L3MBTL4: variants seen among roughly 807,000 people sequenced by gnomAD.
L3MBTL4 encodes lethal(3)malignant brain tumor-like protein 4.
Under a neutral mutation model 84.5 loss-of-function variants are expected in L3MBTL4, and 70 were observed. The ratio of observed to expected loss-of-function variants is 0.83; its 90% CI spans 0.68 to 1.01. The LOEUF is 1.01. L3MBTL4 is among the 50% of genes least tolerant of loss of function. L3MBTL4 has a pLI of 0.00. For missense variants in L3MBTL4, 715 were observed against 754.8 expected, an observed-to-expected ratio of 0.95 and a Z score of 0.62; for synonymous variants, 274 against 259.8, an observed-to-expected ratio of 1.05 and a Z score of -0.52.
chr18:6,136,663 A>G lies in L3MBTL4; in HGVS notation c.1199+1531T>C, dbSNP rs574734140. Reference sequence around the variant, plus strand: ...CTACATAGAGTGTACCAAGTAACCAATGGGAAACCTTTAGAGGGTATTTAA... The same window carrying G: ...CTACATAGAGTGTACCAAGTAACCAGTGGGAAACCTTTAGAGGGTATTTAA... On this transcript the variant is annotated intron_variant, in intron 14 of 18. Transcript: ENST00000317931. Among the ~76,000 whole-genome samples, 9 of 152,236 alleles carry G rather than the reference A, an allele frequency of 5.9e-5. No homozygotes were observed. In the South Asian group the frequency reaches 1.0e-3, roughly 18 times the overall value.
At chr18:6,040,254 G>A (rs1286893472) in intron 16 of L3MBTL4, among the ~76,000 whole-genome samples, 3 of 152,094 alleles carry the variant, frequency 2.0e-5, no homozygotes, top group African/African-American at 7.2e-5. Context: ...TAAACCAGTG[G>A]TCTTTCAACC....
chr18:6,280,283 A>G (rs1230468659), intron 4 of L3MBTL4, among the ~76,000 whole-genome samples: 1 of 152,242 alleles, frequency 6.6e-6, no homozygotes, highest in Admixed American at 6.5e-5. Context: ...ATCCCTGGAA[A>G]GTGCATTCGA....
chr18:6,151,995 T>C (rs2042917640), intron 13 of L3MBTL4, among the ~76,000 whole-genome samples: 1 of 152,230 alleles, frequency 6.6e-6, no homozygotes, highest in Admixed American at 6.5e-5. Flanking sequence ...TGTTTTTATG[T>C]GCATGGCTTA....
chr18:6,163,257 TGTG>T lies in L3MBTL4; in HGVS notation c.1096+8568_1096+8570del, dbSNP rs1568230856. On this transcript the variant is annotated intron_variant, in intron 13 of 18. Transcript: ENST00000317931. ...GTGTGTTTGTCTACGGGTGTGTGTGTGTGGGGGGGGGGTGGGTGTGTGTGTGTG... is the reference window on the plus strand; with the variant it reads ...GTGTGTTTGTCTACGGGTGTGTGTGTGGGGGGGGGTGGGTGTGTGTGTGTG... Among the ~76,000 whole-genome samples the T allele has an allele frequency of 3.2e-4, 14 of 44,178 alleles. 1 individual carries two copies. The highest frequency in any genetic ancestry group is 2.5e-3 in the Admixed American group (9 of 3,618). 29.0% of individuals were successfully genotyped at this position (44,178 alleles called of 152,430 possible).
intron 15 of L3MBTL4, among the ~76,000 whole-genome samples, chr18:6,082,206 C>T (rs908589324): frequency 2.0e-5 from 3 of 152,028 alleles, no homozygotes; most frequent in Admixed American, 2.0e-4. Flanking sequence ...TGTAAAAACG[C>T]TTATGCATCA....
chr18:6,087,063 TG>T (rs1461476941), intron 15 of L3MBTL4, among the ~76,000 whole-genome samples: 1 of 152,198 alleles, frequency 6.6e-6, no homozygotes, highest in Admixed American at 6.5e-5. Flanking sequence ...AGGAAAAGCT[TG>T]ATAAGAACAA....
intron 12 of L3MBTL4, among the ~76,000 whole-genome samples, chr18:6,195,824 G>A (rs1161512075): frequency 6.6e-6 from 1 of 152,158 alleles, no homozygotes; most frequent in Non-Finnish European, 1.5e-5. Flanking sequence ...ACCAGAATAA[G>A]AGAGCAGGGT....
At chr18:6,050,628 T>G (rs1411827236) in intron 16 of L3MBTL4, among the ~76,000 whole-genome samples, 2 of 152,214 alleles carry the variant, frequency 1.3e-5, no homozygotes, top group African/African-American at 4.8e-5. Context: ...CAGTGTGCTC[T>G]CATATTTTCT....
chr18:6,229,984 G>A (rs996245152), intron 10 of L3MBTL4, among the ~76,000 whole-genome samples: 1 of 152,064 alleles, frequency 6.6e-6, no homozygotes, highest in East Asian at 1.9e-4. Flanking sequence ...ATAAATTTTA[G>A]GATGGATTTT....
At chr18:6,147,811 T>C (rs1020662233) in intron 13 of L3MBTL4, among the ~76,000 whole-genome samples, 1 of 152,220 alleles carries the variant, frequency 6.6e-6, no homozygotes, top group African/African-American at 2.4e-5. Context: ...GCTTATTATT[T>C]TGAAATGAGA....
intron 16 of L3MBTL4, among the ~76,000 whole-genome samples, chr18:6,076,379 A>G (rs561420165): frequency 1.3e-5 from 2 of 152,342 alleles, no homozygotes; most frequent in South Asian, 4.1e-4. Context: ...TTCCATTTAT[A>G]AAATTTTGCA....
chr18:6,294,320 T>C (rs1024243472), intron 4 of L3MBTL4, among the ~76,000 whole-genome samples: 1 of 152,140 alleles, frequency 6.6e-6, no homozygotes, highest in Non-Finnish European at 1.5e-5. Flanking sequence ...TCATTTAAAA[T>C]AGGCATGTCA....
intron 12 of L3MBTL4, among the ~76,000 whole-genome samples, chr18:6,204,082 C>A (rs2045766014): frequency 6.6e-6 from 1 of 152,182 alleles, no homozygotes; most frequent in Admixed American, 6.5e-5. Context: ...AGCTTTGATC[C>A]ATCCCCTCAG....
Position 6,096,505 on chromosome 18 carries a change from C to A in L3MBTL4, c.1200-2977G>T, listed in dbSNP as rs1351085731. Among the ~76,000 whole-genome samples the A allele has an allele frequency of 7.2e-5, 11 of 152,306 alleles. No homozygotes were observed. In the East Asian group the frequency reaches 2.1e-3, roughly 29 times the overall value. On this transcript the variant is annotated intron_variant, in intron 14 of 18. Transcript: ENST00000317931. ...GTTGCAACACTGTGCTCACTTGGTTCTTTGCAGAGAAATAGCTACATTAAG... is the reference window on the plus strand; with the variant it reads ...GTTGCAACACTGTGCTCACTTGGTTATTTGCAGAGAAATAGCTACATTAAG...
At chr18:6,277,003 T>C (rs2049107832) in intron 4 of L3MBTL4, among the ~76,000 whole-genome samples, 1 of 152,082 alleles carries the variant, frequency 6.6e-6, no homozygotes, top group Non-Finnish European at 1.5e-5. Flanking sequence ...AAATGATTTT[T>C]ACATGTCTAT....
intron 1 of L3MBTL4, among the ~76,000 whole-genome samples, chr18:6,387,511 T>C (rs1448715151): frequency 6.6e-6 from 1 of 152,188 alleles, no homozygotes; most frequent in Non-Finnish European, 1.5e-5. Flanking sequence ...ACATACATAT[T>C]TGACTGGCAT....
intron 1 of L3MBTL4, among the ~76,000 whole-genome samples, chr18:6,319,828 A>T (rs1428256669): frequency 6.6e-6 from 1 of 151,884 alleles, no homozygotes; most frequent in Non-Finnish European, 1.5e-5. Flanking sequence ...ATCAAAAAAT[A>T]AATAAATAAA....
At chr18:6,244,357 T>C (rs561052242) in intron 6 of L3MBTL4, 127 bp downstream of exon 6, 3 of 560,058 alleles carry the variant, frequency 5.4e-6, no homozygotes, top group Non-Finnish European at 9.2e-6. Flanking sequence ...CACCCATCGC[T>C]GACTAAAATA....
chr18:6,076,460 A>T (rs1388870534), intron 16 of L3MBTL4, among the ~76,000 whole-genome samples: 2 of 152,216 alleles, frequency 1.3e-5, no homozygotes, highest in Non-Finnish European at 2.9e-5. Context: ...GATAGGGGTC[A>T]GAAGCTTGAG....
Sources: allele counts gnomAD v4.1 joint callset (sites outside exome capture counted in the v4.1 genomes callset), GRCh38; gene constraint gnomAD v4.1.1; transcripts MANE v1.5; gene names NCBI Gene and HGNC (gene_info 2026-07-23, HGNC 2026-07-21).